The following PTPRD variants were observed in gnomAD, a reference collection of about 807,000 sequenced individuals.
The protein encoded by PTPRD is receptor-type tyrosine-protein phosphatase delta.
Under a neutral mutation model 214.5 loss-of-function variants are expected in PTPRD, and 34 were observed. The ratio of observed to expected loss-of-function variants is 0.16; its 90% CI spans 0.12 to 0.21. The LOEUF (loss-of-function observed/expected upper bound fraction) is 0.21, where lower values mean the gene tolerates loss of function less well. PTPRD is among the 10% of genes least tolerant of loss of function. The probability of loss-of-function intolerance (pLI) is 1.00; values close to 1 mark genes in which losing one functional copy is unlikely to be tolerated. For missense variants in PTPRD, 2,545 were observed against 2,398.7 expected (o/e 1.06, Z -1.27); for synonymous variants, 1,128 against 845.7 (o/e 1.33, Z -5.79).
intron 11 of PTPRD, among the ~76,000 whole-genome samples, chr9:8,850,387 T>C (rs1207599505): frequency 1.3e-5 from 2 of 152,100 alleles, no homozygotes; most frequent in African/African-American, 2.4e-5. Flanking sequence ...GATGGAGACA[T>C]AGATGCCAAA....
chr9:9,777,771 T>G (rs1183554160), intron 5 of PTPRD, among the ~76,000 whole-genome samples: 8 of 152,170 alleles, frequency 5.3e-5, no homozygotes. Context: ...TAAAGAAGGT[T>G]TTAATGGTTT....
intron 12 of PTPRD, among the ~76,000 whole-genome samples, chr9:8,675,233 T>C (rs1335116609): frequency 1.3e-5 from 2 of 152,140 alleles, no homozygotes. Context: ...TTGAGGATGT[T>C]GCCCTCTCTA....
chr9:10,282,765 A>C (rs1021931022), intron 3 of PTPRD, among the ~76,000 whole-genome samples: 1 of 152,124 alleles, frequency 6.6e-6, no homozygotes, highest in East Asian at 1.9e-4. Context: ...TAGAACCATC[A>C]GCTTCAAAGA....
intron 2 of PTPRD, among the ~76,000 whole-genome samples, chr9:10,478,570 T>C (rs1341792389): frequency 1.3e-5 from 2 of 152,124 alleles, no homozygotes; most frequent in Non-Finnish European, 2.9e-5. Context: ...TAAACATATC[T>C]TATTACATTA....
intron 12 of PTPRD, among the ~76,000 whole-genome samples, chr9:8,674,103 A>C (rs1480874935): frequency 3.3e-5 from 5 of 152,192 alleles, no homozygotes; most frequent in Non-Finnish European, 7.3e-5. Context: ...AATGGGAATA[A>C]CAAAAAATCA....
At chr9:9,180,843 C>A (rs543349122) in intron 10 of PTPRD, among the ~76,000 whole-genome samples, 2 of 152,050 alleles carry the variant, frequency 1.3e-5, no homozygotes, top group East Asian at 3.9e-4. Flanking sequence ...ACATGTCTTA[C>A]AATATTTTTG....
At chr9:9,616,756 C>A (rs2094893635) in intron 7 of PTPRD, among the ~76,000 whole-genome samples, 1 of 152,100 alleles carries the variant, frequency 6.6e-6, no homozygotes, top group Non-Finnish European at 1.5e-5. Context: ...CAGGAAATAA[C>A]CATAAAAGTA....
intron 10 of PTPRD, among the ~76,000 whole-genome samples, chr9:9,096,199 T>C (rs2099783260): frequency 6.6e-6 from 1 of 152,204 alleles, no homozygotes; most frequent in Non-Finnish European, 1.5e-5. Flanking sequence ...TGACATGAGA[T>C]TCATGCCAAA....
intron 11 of PTPRD, among the ~76,000 whole-genome samples, chr9:9,007,680 G>T (rs1260030190): frequency 6.8e-6 from 1 of 148,010 alleles, no homozygotes; most frequent in Non-Finnish European, 1.5e-5. Context: ...TTATTTTTCT[G>T]GGAATTCCAT....
At chr9:10,118,585 T>C (rs962226210) in intron 3 of PTPRD, among the ~76,000 whole-genome samples, 10 of 151,808 alleles carry the variant, frequency 6.6e-5, no homozygotes, top group Non-Finnish European at 1.0e-4. Context: ...AAATCATAAA[T>C]GTGCAAGTAA....
At chr9:10,006,631 A>G (rs1178140645) in intron 4 of PTPRD, among the ~76,000 whole-genome samples, 3 of 151,944 alleles carry the variant, frequency 2.0e-5, no homozygotes, top group African/African-American at 7.2e-5. Context: ...GTGTGTCCCT[A>G]TGTCAGGTAT....
intron 3 of PTPRD, among the ~76,000 whole-genome samples, chr9:10,118,018 G>C (rs2098744755): frequency 6.6e-6 from 1 of 151,938 alleles, no homozygotes; most frequent in South Asian, 2.1e-4. Flanking sequence ...GGTAGGAAAT[G>C]TCTAATGAAT....
At chr9:10,030,550 A>C (rs1450242949) in intron 4 of PTPRD, among the ~76,000 whole-genome samples, 1 of 152,128 alleles carries the variant, frequency 6.6e-6, no homozygotes, top group Non-Finnish European at 1.5e-5. Context: ...AAGAGAAGAA[A>C]CATGAGTGAC....
intron 12 of PTPRD, among the ~76,000 whole-genome samples, chr9:8,653,777 T>G (rs960102773): frequency 6.6e-6 from 1 of 152,202 alleles, no homozygotes; most frequent in African/African-American, 2.4e-5. Context: ...ATGAACTTGA[T>G]GGCAAGTCAC....
chr9:10,471,781 A>C (rs1329854712), intron 2 of PTPRD, among the ~76,000 whole-genome samples: 1 of 152,162 alleles, frequency 6.6e-6, no homozygotes, highest in Non-Finnish European at 1.5e-5. Context: ...TTTAAGTTGA[A>C]GAGATGTCAG....
intron 14 of PTPRD, among the ~76,000 whole-genome samples, chr9:8,529,839 G>A (rs183921964): frequency 2.0e-5 from 3 of 152,106 alleles, no homozygotes; most frequent in Admixed American, 1.3e-4. Flanking sequence ...TATGCACAAC[G>A]TGCAGGTTTG....
At chr9:9,818,464 T>C (rs2049510039) in intron 5 of PTPRD, among the ~76,000 whole-genome samples, 1 of 152,102 alleles carries the variant, frequency 6.6e-6, no homozygotes. Context: ...AAACATTATT[T>C]AGTTTATGAG....
intron 9 of PTPRD, among the ~76,000 whole-genome samples, chr9:9,199,157 A>G (rs1282484749): frequency 6.6e-6 from 1 of 152,182 alleles, no homozygotes; most frequent in Non-Finnish European, 1.5e-5. Flanking sequence ...AAAAAAAGAA[A>G]GAGGAGAGAA....
intron 9 of PTPRD, among the ~76,000 whole-genome samples, chr9:9,237,778 T>C (rs1388024885): frequency 6.6e-6 from 1 of 152,190 alleles, no homozygotes; most frequent in East Asian, 1.9e-4. Context: ...AAACCCATTT[T>C]TTCAAATCCC....
Sources: allele counts gnomAD v4.1 joint callset (sites outside exome capture counted in the v4.1 genomes callset), GRCh38; gene constraint gnomAD v4.1.1; transcripts MANE v1.5; gene names NCBI Gene and HGNC (gene_info 2026-07-23, HGNC 2026-07-21).